Variants in PLEKHA1 observed in about 807,000 individuals in gnomAD.
The protein encoded by PLEKHA1 is pleckstrin homology domain containing A1.
A neutral mutation model predicts 52.0 loss-of-function variants in PLEKHA1; 34 were observed. The observed-to-expected ratio is 0.65, with a 90% CI of 0.50 to 0.87. PLEKHA1 has a LOEUF of 0.87. Among genes scored for constraint, PLEKHA1 ranks in the 40% least tolerant of loss-of-function variants. The pLI is 0.00. For synonymous variants in PLEKHA1, 163 were observed against 170.7 expected, an observed-to-expected ratio of 0.95 and a Z score of 0.35; for missense variants, 497 against 504.2, an observed-to-expected ratio of 0.99 and a Z score of 0.14.
In PLEKHA1 at chr10:122,429,877, A is replaced by G; in HGVS notation, c.1154A>G (p.Gln385Arg). Residue 385 changes from glutamine (Q) to arginine (R), a missense_variant, in exon 12 of 12, where the codon CAG becomes CGG. Coordinates refer to ENST00000368990, the MANE Select transcript of PLEKHA1 (RefSeq NM_001001974.4). ...LLRPQSKNGP[Q>R]EKDCDLVDLD... is the part of the protein sequence containing the mutation. ...AGACCTCAAAGTAAAAATGGCCCTC[A>G]GGAAAAAGATTGTGACCTAGTAGAC... 6.2e-7 allele frequency: 1 copy of G among 1,614,180 alleles called. No individual in the cohort carries two copies. Among genetic ancestry groups the G allele is most frequent in the Non-Finnish European group, 8.5e-7 (1 of 1,180,030 alleles).
chr10:122,438,404 A>T, the PLEKHA1 span: 4 of 152,376 alleles, frequency 2.6e-5, no homozygotes, highest in African/African-American at 7.2e-5. Context: ...AAGCTAGGGC[A>T]CAAGTTGGCT....
At chr10:122,424,315 G>C (rs1164160436) in intron 9 of PLEKHA1, 52 bp downstream of exon 9, 2 of 1,539,640 alleles carry the variant, frequency 1.3e-6, no homozygotes, top group Non-Finnish European at 1.7e-6. Flanking sequence ...ACACAGAATA[G>C]TGCCTTAGTT....
intron 8 of PLEKHA1, chr10:122,420,787 G>A (rs779402742): frequency 6.6e-6 from 1 of 152,212 alleles, no homozygotes; most frequent in South Asian, 2.1e-4. Flanking sequence ...AGAGGAACCA[G>A]TGTAGCTTTG....
At chr10:122,424,029 T>A (rs1011126811) in intron 8 of PLEKHA1, 170 bp from the exon 9 acceptor site, 2 of 827,548 alleles carry the variant, frequency 2.4e-6, no homozygotes, top group Non-Finnish European at 3.6e-6. Flanking sequence ...TTATAGTGTT[T>A]GAGCTATTCA....
chr10:122,391,756 CATG>C (rs899330343), intron 1 of PLEKHA1, among the ~76,000 whole-genome samples: 1 of 151,022 alleles, frequency 6.6e-6, no homozygotes, highest in Non-Finnish European at 1.5e-5. Flanking sequence ...TTTTTACAAA[CATG>C]GTAAATTTAT....
At position 122,424,379 on chromosome 10, in the gene PLEKHA1, A is replaced by G; in HGVS notation, c.746+116A>G. ...TCCATATTAATTGTAGTTATTTTTA[A>G]CTCTTTATAGTTGAGATACACTAGA... is the stretch of plus-strand genomic sequence containing the variant. On this transcript the variant is annotated intron_variant, in intron 9 of 11. Transcript: ENST00000368990. 4 of 1,197,516 alleles carry G rather than the reference A, an allele frequency of 3.3e-6. No individual in the cohort carries two copies. In the South Asian group the frequency reaches 8.2e-5, roughly 24 times the overall value. 74.2% of individuals were successfully genotyped at this position (1,197,516 alleles called of 1,614,324 possible). A position where few individuals can be genotyped will look rare whatever the true frequency, so the allele number is the denominator to read the frequency against.
At position 122,432,140 on chromosome 10, in the gene PLEKHA1, A is replaced by C. The variant is rs1263005613; in HGVS notation, c.*2202A>C. 6.6e-6 allele frequency: 1 copy of C among 152,186 alleles called. No individual in the cohort carries two copies. Among genetic ancestry groups the C allele is most frequent in the Non-Finnish European group, 1.5e-5 (1 of 68,032 alleles). The allele number at this position is 152,186 out of a possible 1,614,324, so 9.4% of individuals were successfully genotyped here. ...TATTTAATTATTTTAAAACGTACAC[A>C]CTTTTCTTGTAAATATGTCACATCT... On this transcript the variant is annotated 3_prime_UTR_variant, in exon 12 of 12. Transcript: ENST00000368990.
intron 4 of PLEKHA1, among the ~76,000 whole-genome samples, chr10:122,405,379 A>C (rs1419902944): frequency 6.6e-6 from 1 of 152,122 alleles, no homozygotes; most frequent in Non-Finnish European, 1.5e-5. Context: ...TAAAGCAGAA[A>C]AGATTAATAA....
chr10:122,376,959 C>T (rs2096547231), intron 1 of PLEKHA1, among the ~76,000 whole-genome samples: 1 of 152,118 alleles, frequency 6.6e-6, no homozygotes, highest in South Asian at 2.1e-4. Context: ...GACTTCCCCC[C>T]ACAAAAAACA....
intron 1 of PLEKHA1, among the ~76,000 whole-genome samples, chr10:122,391,738 C>G (rs928697459): frequency 6.9e-6 from 1 of 145,124 alleles, no homozygotes; most frequent in Middle Eastern, 3.6e-3. Flanking sequence ...ACATTGTAAA[C>G]TTTTTTTTTT....
chr10:122,381,822 T>G (rs1436870086), intron 1 of PLEKHA1, among the ~76,000 whole-genome samples: 2 of 152,214 alleles, frequency 1.3e-5, no homozygotes, highest in Non-Finnish European at 2.9e-5. Flanking sequence ...GGGGAATATC[T>G]GGAGCTCAGT....
At chr10:122,382,702 G>A (rs1007498178) in intron 1 of PLEKHA1, among the ~76,000 whole-genome samples, 1 of 152,110 alleles carries the variant, frequency 6.6e-6, no homozygotes, top group Non-Finnish European at 1.5e-5. Context: ...CAGATGTATT[G>A]TACACAGTTT....
intron 2 of PLEKHA1, among the ~76,000 whole-genome samples, chr10:122,397,069 C>T (rs1404065798): frequency 2.0e-5 from 3 of 152,112 alleles, no homozygotes; most frequent in Non-Finnish European, 4.4e-5. Context: ...TTTTGTACTA[C>T]AATCTTACAG....
chr10:122,406,881 T>C (rs1590654379), intron 5 of PLEKHA1, among the ~76,000 whole-genome samples: 1 of 152,222 alleles, frequency 6.6e-6, no homozygotes, highest in Admixed American at 6.5e-5. Context: ...TTTTAACTTA[T>C]GCACCTAATA....
At chr10:122,418,125 G>T in intron 8 of PLEKHA1, 157 bp downstream of exon 8, 1 of 503,140 alleles carries the variant, frequency 2.0e-6, no homozygotes, top group Non-Finnish European at 3.4e-6. Flanking sequence ...TTTGGTTAAT[G>T]ATATTTTTCT....
intron 5 of PLEKHA1, among the ~76,000 whole-genome samples, chr10:122,409,849 C>T (rs1252956416): frequency 1.3e-5 from 2 of 151,720 alleles, no homozygotes; most frequent in East Asian, 3.9e-4. Flanking sequence ...GGTGCTATCC[C>T]AGCTCACTGC....
At chr10:122,378,186 G>C (rs977359109) in intron 1 of PLEKHA1, among the ~76,000 whole-genome samples, 1 of 152,090 alleles carries the variant, frequency 6.6e-6, no homozygotes, top group Admixed American at 6.5e-5. Flanking sequence ...CATCTTACCC[G>C]GTACAGTAAA....
intron 8 of PLEKHA1, chr10:122,422,417 G>T (rs1312769492): frequency 6.6e-6 from 1 of 152,222 alleles, no homozygotes; most frequent in African/African-American, 2.4e-5. Flanking sequence ...ACAGATCAGG[G>T]TTAACACACC....
At chr10:122,397,865 A>G in intron 2 of PLEKHA1, 53 bp from the exon 3 acceptor site, 3 of 1,314,826 alleles carry the variant, frequency 2.3e-6, no homozygotes, top group Admixed American at 1.8e-5. Context: ...ATTATATTAT[A>G]AAATGAATTC....
Sources: gnomAD v4.1 joint callset for allele counts (sites outside exome capture counted in the v4.1 genomes callset) on GRCh38, gnomAD v4.1.1 for gene constraint, MANE v1.5 for transcripts, NCBI Gene and HGNC (gene_info 2026-07-23, HGNC 2026-07-21) for gene names.